The following SLC25A17 variants were observed in gnomAD, a reference collection of about 807,000 sequenced individuals.
SLC25A17 encodes solute carrier family 25 member 17, also known as peroxisomal membrane protein PMP34.
A neutral mutation model predicts 38.5 loss-of-function variants in SLC25A17; 26 were observed. The observed-to-expected ratio is 0.68, with a 90% CI of 0.50 to 0.94. The LOEUF is 0.94. SLC25A17 is among the 40% of genes least tolerant of loss of function. SLC25A17 has a pLI of 0.00. For synonymous variants in SLC25A17, 139 were observed against 136.2 expected, an observed-to-expected ratio of 1.02 and a Z score of -0.14; for missense variants, 333 against 372.7, an observed-to-expected ratio of 0.89 and a Z score of 0.88.
intron 2 of SLC25A17, chr22:40,798,266 T>C (rs1238223454): frequency 6.6e-6 from 1 of 152,496 alleles, no homozygotes; most frequent in Non-Finnish European, 1.5e-5. Context: ...CTGGAAAAGC[T>C]CTGGAGGCAA....
chr22:40,786,295 A>G (rs934004109), intron 4 of SLC25A17, among the ~76,000 whole-genome samples: 1 of 151,562 alleles, frequency 6.6e-6, no homozygotes, highest in African/African-American at 2.4e-5. Flanking sequence ...TGGGTGACAA[A>G]GTGAAACCCT....
chr22:40,814,822 G>GTTTT lies in SLC25A17; in HGVS notation c.54+4372_54+4373insAAAA, dbSNP rs1165837350. 8.1e-4 allele frequency among the ~76,000 whole-genome samples: 115 copies of GTTTT among 141,580 alleles called. 2 individuals carry two copies. The highest frequency in any genetic ancestry group is 3.9e-3 in the South Asian group (17 of 4,412). 92.9% of individuals were successfully genotyped at this position (141,580 alleles called of 152,430 possible). A position where few individuals can be genotyped will look rare whatever the true frequency, so the allele number is the denominator to read the frequency against. On this transcript the variant is annotated intron_variant, in intron 1 of 8. Transcript: ENST00000435456. ...TGTTGTTGTTGTTTTGTTTTGTTTT[G>GTTTT]GTTTTTTTTGTTTTTGAGACGGAGT...
rs958878142 is a variant in SLC25A17 at position 40,784,855 on chromosome 22, T to A, written c.335-5730A>T. Among the ~76,000 whole-genome samples, 4 of 150,314 alleles carry A rather than the reference T, an allele frequency of 2.7e-5. No homozygotes were observed. The East Asian group carries it at 7.8e-4, about 29-fold the overall frequency. ...AGGTTTCTCAGTATATAGTGAACTATAACCTACCTGGATCTTGTGCCAATC... is the reference window on the plus strand; with the variant it reads ...AGGTTTCTCAGTATATAGTGAACTAAAACCTACCTGGATCTTGTGCCAATC... On this transcript the variant is annotated intron_variant, in intron 4 of 8. Transcript: ENST00000435456.
intron 1 of SLC25A17, among the ~76,000 whole-genome samples, chr22:40,814,513 T>C (rs2057615190): frequency 1.4e-5 from 2 of 145,796 alleles, no homozygotes; most frequent in African/African-American, 2.5e-5. Flanking sequence ...ACTGACTACC[T>C]AGTGAATGAG....
chr22:40,796,763 C>T (rs2057434435), intron 2 of SLC25A17, among the ~76,000 whole-genome samples: 1 of 152,134 alleles, frequency 6.6e-6, no homozygotes, highest in African/African-American at 2.4e-5. Flanking sequence ...ATTCTTACAT[C>T]ATTTCTGTAA....
chr22:40,811,697 G>A (rs1021304749), intron 1 of SLC25A17, among the ~76,000 whole-genome samples: 8 of 152,230 alleles, frequency 5.3e-5, no homozygotes, highest in African/African-American at 1.9e-4. Flanking sequence ...AGAGAGAGGC[G>A]TGGGTACCAG....
intron 7 of SLC25A17, among the ~76,000 whole-genome samples, chr22:40,775,125 C>T (rs2057228140): frequency 1.3e-5 from 2 of 152,188 alleles, no homozygotes; most frequent in South Asian, 2.1e-4. Context: ...GCTTAAAGCC[C>T]TTCCCATCAC....
In SLC25A17 at chr22:40,794,216, T is replaced by G. The variant is rs5995947; in HGVS notation, c.182+298A>C. On this transcript the variant is annotated intron_variant, in intron 3 of 8. Coordinates refer to ENST00000435456, the MANE Select transcript of SLC25A17 (RefSeq NM_006358.4). ...CTGACAGGAATGAACTAAACAACTA[T>G]TATTTTTTTTTCAGTTTACTGTATA... is the stretch of plus-strand genomic sequence containing the variant. 3.6e-3 allele frequency among the ~76,000 whole-genome samples: 547 copies of G among 152,318 alleles called. 5 individuals are homozygous for G. Among genetic ancestry groups the G allele is most frequent in the African/African-American group, 0.013 (526 of 41,564 alleles).
At chr22:40,815,115 G>A (rs2057626210) in intron 1 of SLC25A17, among the ~76,000 whole-genome samples, 1 of 151,982 alleles carries the variant, frequency 6.6e-6, no homozygotes, top group Admixed American at 6.6e-5. Flanking sequence ...CACCACACCC[G>A]GCCCAGAATA....
In SLC25A17 at chr22:40,799,363, C is replaced by CTT. The variant is rs566690843; in HGVS notation, c.55-282_55-281dup. 1.2e-4 allele frequency among the ~76,000 whole-genome samples: 16 copies of CTT among 135,124 alleles called. 1 individual carries two copies. Among genetic ancestry groups the CTT allele is most frequent in the Non-Finnish European group, 2.1e-4 (13 of 62,244 alleles). The allele number at this position is 135,124 out of a possible 152,430, so 88.6% of individuals were successfully genotyped here. A position where few individuals can be genotyped will look rare whatever the true frequency, so the allele number is the denominator to read the frequency against. Reference sequence around the variant, plus strand: ...TTGTTGCCCAGGCTGGGAGTCACAACTTTTTTTTTTTTTTTTTTGAGATGG... The same window carrying CTT: ...TTGTTGCCCAGGCTGGGAGTCACAACTTTTTTTTTTTTTTTTTTTTGAGATGG... On this transcript the variant is annotated intron_variant, in intron 1 of 8. Transcript: ENST00000435456.
At chr22:40,814,107 T>C (rs1248498518) in intron 1 of SLC25A17, 2 of 152,216 alleles carry the variant, frequency 1.3e-5, no homozygotes, top group Admixed American at 1.3e-4. Context: ...AAAAAGCACT[T>C]TGACAACAGG....
Position 40,792,599 on chromosome 22 carries a change from T to C in SLC25A17, c.260A>G (p.Asn87Ser), listed in dbSNP as rs1437548191. ...CSNFVYFYTF[N>S]SLKALWVKGQ... ...TTTGACCCAGAGTGCTTTGAGGCTA[T>C]TAAAAGTGTAGAAATAGACAAAATT... The change falls in exon 4 of 9, where the codon AAT (asparagine) becomes AGT (serine). Residue 87 changes from asparagine (N) to serine (S), a missense_variant. Coordinates refer to ENST00000435456, the MANE Select transcript of SLC25A17 (RefSeq NM_006358.4). The C allele has an allele frequency of 2.5e-6, 4 of 1,614,040 alleles. No individual in the cohort carries two copies. Among genetic ancestry groups the C allele is most frequent in the East Asian group, 4.5e-5 (2 of 44,870 alleles).
chr22:40,791,973 A>G (rs2057388904), intron 4 of SLC25A17, among the ~76,000 whole-genome samples: 2 of 152,228 alleles, frequency 1.3e-5, no homozygotes, highest in South Asian at 4.2e-4. Context: ...CAAAAGATGG[A>G]AGCAACTTAA....
rs1196191786 is a variant in SLC25A17, at chr22:40,819,057, T to A, written c.54+138A>T. The A allele has an allele frequency of 3.0e-5, 27 of 893,256 alleles. No individual in the cohort carries two copies. The East Asian group carries it at 6.4e-4, about 21-fold the overall frequency. 55.3% of individuals were successfully genotyped at this position (893,256 alleles called of 1,614,324 possible). On this transcript the variant is annotated intron_variant, in intron 1 of 8. Transcript: ENST00000435456. The stretch of plus-strand genomic sequence containing the variant: ...CAACTTTCCGCCAATGGCCCATTCC[T>A]CTCTGCCCCACAGTCATGACAGTGG...
Position 40,779,047 on chromosome 22 carries a change from T to C in SLC25A17, c.413A>G (p.Asn138Ser), listed in dbSNP as rs1481857274. The C allele has an allele frequency of 1.2e-6, 2 of 1,614,216 alleles. No homozygotes were observed. The highest frequency in any genetic ancestry group is 3.3e-5 in the Admixed American group (2 of 60,030). ...RLKLQGAKFR[N>S]EDIVPTNYKG... ...GTAGTTTGTTGGTACAATGTCTTCA[T>C]TCCTAAATTTTGCTCCTTGAAGCTT... The change falls in exon 5 of 9, where the codon AAT becomes AGT. Residue 138 changes from asparagine (N) to serine (S), a missense_variant. By Grantham distance (46) the Asn-to-Ser change is conservative (BLOSUM62 1). Coordinates refer to ENST00000435456, the MANE Select transcript of SLC25A17 (RefSeq NM_006358.4).
At chr22:40,807,094 A>G (rs1329859671) in intron 1 of SLC25A17, among the ~76,000 whole-genome samples, 1 of 152,176 alleles carries the variant, frequency 6.6e-6, no homozygotes, top group East Asian at 1.9e-4. Flanking sequence ...TCCTTTTTAT[A>G]GCTGAGTGTT....
At position 40,794,514 on chromosome 22, in the gene SLC25A17, A is replaced by G; in HGVS notation, c.182T>C (p.Leu61Pro). Residue 61 changes from leucine to proline, a missense_variant and splice_region_variant, in exon 3 of 9, where the codon CTC becomes CCC. Physicochemically the swap from Leu to Pro is moderately conservative, Grantham distance 98. Coordinates refer to ENST00000435456, the MANE Select transcript of SLC25A17 (RefSeq NM_006358.4). ...GAAGGTGAACTGAGGTAGTACTCAC[A>G]GTCCTTCTTCTTTAATGATCTCCAG... The part of the protein sequence containing the change: ...VLLEIIKEEG[L>P]LAPYRGWFPV... 2 of 1,603,076 alleles carry G rather than the reference A, an allele frequency of 1.2e-6. No homozygotes were observed. Among genetic ancestry groups the G allele is most frequent in the Non-Finnish European group, 1.7e-6 (2 of 1,170,596 alleles).
intron 1 of SLC25A17, among the ~76,000 whole-genome samples, chr22:40,814,797 T>G (rs2057620951): frequency 7.0e-6 from 1 of 142,644 alleles, no homozygotes. Flanking sequence ...ATATTGTTGT[T>G]GTTGTTGTTG....
intron 4 of SLC25A17, 23 bp from the exon 5 acceptor site, chr22:40,779,148 A>G: frequency 1.2e-6 from 2 of 1,614,130 alleles, no homozygotes; most frequent in East Asian, 2.2e-5. Context: ...AGATGGAGAG[A>G]AAAAGGGAAG....
Sources: gnomAD v4.1 joint callset for allele counts (sites outside exome capture counted in the v4.1 genomes callset) on GRCh38, gnomAD v4.1.1 for gene constraint, MANE v1.5 for transcripts, NCBI Gene and HGNC (gene_info 2026-07-23, HGNC 2026-07-21) for gene names.